The following EFHD1 variants were observed in gnomAD, a reference collection of about 807,000 sequenced individuals.
EFHD1 encodes EF-hand domain-containing protein D1.
In EFHD1, 10 loss-of-function variants were observed where a neutral mutation model predicts 17.2. The ratio of observed to expected loss-of-function variants is 0.58; its 90% CI spans 0.36 to 0.99. EFHD1 has a LOEUF of 0.99. EFHD1 is among the 50% of genes least tolerant of loss of function. The pLI, the probability that EFHD1 is intolerant of heterozygous loss-of-function variation, is 0.01. For synonymous variants in EFHD1, 153 were observed against 142.0 expected (o/e 1.08, Z -0.55); for missense variants, 310 against 327.5 (o/e 0.95, Z 0.41).
chr2:232,611,019 T>G, intron 1 of EFHD1: 1 of 151,964 alleles, frequency 6.6e-6, no homozygotes, highest in Non-Finnish European at 1.5e-5. Context: ...TCTACAAATT[T>G]TATTTTTACT....
chr2:232,650,794 C>G (rs1339511827), intron 1 of EFHD1, among the ~76,000 whole-genome samples: 1 of 151,736 alleles, frequency 6.6e-6, no homozygotes, highest in African/African-American at 2.4e-5. Context: ...ATCTTGAACT[C>G]CTGACCTCAG....
At chr2:232,646,198 G>T (rs575478683) in intron 1 of EFHD1, among the ~76,000 whole-genome samples, 15 of 152,092 alleles carry the variant, frequency 9.9e-5, no homozygotes, top group African/African-American at 3.6e-4. Flanking sequence ...ACAACATTCG[G>T]TAGCTCCCTA....
chr2:232,611,143 A>C (rs1438961892), intron 1 of EFHD1, among the ~76,000 whole-genome samples: 1 of 152,096 alleles, frequency 6.6e-6, no homozygotes, highest in Non-Finnish European at 1.5e-5. Context: ...GTATTACTGC[A>C]TTCTGGCCTG....
chr2:232,625,496 A>G (rs1269637961), intron 1 of EFHD1, among the ~76,000 whole-genome samples: 1 of 151,990 alleles, frequency 6.6e-6, no homozygotes, highest in East Asian at 1.9e-4. Context: ...TCAACTTCCA[A>G]CCCAAAAGCC....
chr2:232,648,697 T>G (rs1374627877), intron 1 of EFHD1, among the ~76,000 whole-genome samples: 2 of 151,876 alleles, frequency 1.3e-5, no homozygotes, highest in African/African-American at 4.8e-5. Flanking sequence ...GGGGGGCTTG[T>G]GAACATGCAG....
At chr2:232,655,756 A>G (rs1322225621) in intron 1 of EFHD1, among the ~76,000 whole-genome samples, 1 of 151,664 alleles carries the variant, frequency 6.6e-6, no homozygotes, top group Non-Finnish European at 1.5e-5. Context: ...GCTCTTTGCC[A>G]GATCCCACTT....
chr2:232,627,062 A>ATTT (rs1444480451), intron 1 of EFHD1, among the ~76,000 whole-genome samples: 5 of 109,528 alleles, frequency 4.6e-5, no homozygotes, highest in African/African-American at 1.0e-4. Context: ...ATATATATAT[A>ATTT]TATTTTTTTT....
In EFHD1 at chr2:232,672,207, T is replaced by G. The variant is rs191341147; in HGVS notation, c.451-102T>G. On this transcript the variant is annotated intron_variant, in intron 2 of 3. Coordinates refer to ENST00000264059, the MANE Select transcript of EFHD1 (RefSeq NM_025202.4). ...TTTGCCACATGCATACATAAACATC[T>G]TTCTTAAGTGATTGGCAGAGTGACT... The G allele has an allele frequency of 2.4e-3, 3,634 of 1,517,714 alleles. 13 individuals are homozygous for G. The highest frequency in any genetic ancestry group is 2.5e-3 in the Non-Finnish European group (2,776 of 1,094,888). The allele number at this position is 1,517,714 out of a possible 1,614,324, so 94.0% of individuals were successfully genotyped here.
chr2:232,643,841 C>T (rs1003165163), intron 1 of EFHD1, among the ~76,000 whole-genome samples: 1 of 152,136 alleles, frequency 6.6e-6, no homozygotes, highest in Non-Finnish European at 1.5e-5. Flanking sequence ...TGCTACCACG[C>T]CCAGCTCATC....
chr2:232,652,511 C>T (rs890063173), intron 1 of EFHD1, among the ~76,000 whole-genome samples: 7 of 152,054 alleles, frequency 4.6e-5, no homozygotes, highest in African/African-American at 1.4e-4. Flanking sequence ...ATCTCTGAAG[C>T]GGGGCTACTA....
intron 1 of EFHD1, among the ~76,000 whole-genome samples, chr2:232,635,244 G>C (rs1279621513): frequency 6.6e-6 from 1 of 152,234 alleles, no homozygotes; most frequent in East Asian, 1.9e-4. Flanking sequence ...GATTTCTCTG[G>C]GGTAATGCCT....
At chr2:232,619,361 A>G (rs1398565560) in intron 1 of EFHD1, among the ~76,000 whole-genome samples, 3 of 138,676 alleles carry the variant, frequency 2.2e-5, no homozygotes, top group African/African-American at 5.5e-5. Context: ...CCTAGGCTGG[A>G]GTGTGATGGC....
intron 3 of EFHD1, among the ~76,000 whole-genome samples, chr2:232,677,062 A>G (rs1336644542): frequency 6.6e-6 from 1 of 152,144 alleles, no homozygotes; most frequent in Non-Finnish European, 1.5e-5. Context: ...CCCTGCCTCT[A>G]GGGATTATAA....
chr2:232,617,085 G>A (rs1210464856), intron 1 of EFHD1, among the ~76,000 whole-genome samples: 5 of 152,180 alleles, frequency 3.3e-5, no homozygotes, highest in Non-Finnish European at 7.3e-5. Flanking sequence ...CCCAAGGACG[G>A]GCTCTTCGGG....
At chr2:232,616,034 T>G (rs113596515) in intron 1 of EFHD1, among the ~76,000 whole-genome samples, 36 of 152,246 alleles carry the variant, frequency 2.4e-4, no homozygotes, top group African/African-American at 7.7e-4. Flanking sequence ...AGCCGTTTGT[T>G]GTGGTATAAC....
chr2:232,675,615 G>A (rs1309949298), intron 3 of EFHD1, among the ~76,000 whole-genome samples: 2 of 152,202 alleles, frequency 1.3e-5, no homozygotes, highest in South Asian at 2.1e-4. Flanking sequence ...CAGGGGAGCC[G>A]TTGAGTGTTT....
chr2:232,677,188 C>T (rs1341575866), intron 3 of EFHD1, among the ~76,000 whole-genome samples: 1 of 144,498 alleles, frequency 6.9e-6, no homozygotes, highest in Non-Finnish European at 1.5e-5. Flanking sequence ...GCCTGGGCAA[C>T]ATGGCAAGAC....
chr2:232,620,504 G>A (rs1046623471), intron 1 of EFHD1, among the ~76,000 whole-genome samples: 1 of 151,450 alleles, frequency 6.6e-6, no homozygotes, highest in Non-Finnish European at 1.5e-5. Flanking sequence ...TCCTGCCTCA[G>A]CCTCCTGAGT....
At chr2:232,613,765 C>G (rs1476527398) in intron 1 of EFHD1, among the ~76,000 whole-genome samples, 1 of 150,976 alleles carries the variant, frequency 6.6e-6, no homozygotes, top group East Asian at 1.9e-4. Flanking sequence ...TACGCACACA[C>G]ATACACACAC....
Sources: gnomAD v4.1 joint callset for allele counts (sites outside exome capture counted in the v4.1 genomes callset) on GRCh38, gnomAD v4.1.1 for gene constraint, MANE v1.5 for transcripts, NCBI Gene and HGNC (gene_info 2026-07-23, HGNC 2026-07-21) for gene names.